Variants in MTUS2 observed in about 807,000 individuals in gnomAD.
MTUS2 encodes the protein microtubule-associated tumor suppressor candidate 2.
Under a neutral mutation model 114.1 loss-of-function variants are expected in MTUS2, and 40 were observed. That is an observed-to-expected ratio of 0.35 (90% CI 0.27 to 0.46). The LOEUF (loss-of-function observed/expected upper bound fraction) is 0.46. Among genes scored for constraint, MTUS2 ranks in the 20% least tolerant of loss-of-function variants. The pLI, the probability that MTUS2 is intolerant of heterozygous loss-of-function variation, is 1.00. For synonymous variants in MTUS2, 688 were observed against 672.0 expected, an observed-to-expected ratio of 1.02 and a Z score of -0.37; for missense variants, 1,679 against 1,705.4, an observed-to-expected ratio of 0.98 and a Z score of 0.27.
At chr13:28,822,470 G>T (rs1281511514) in intron 1 of MTUS2, among the ~76,000 whole-genome samples, 1 of 152,224 alleles carries the variant, frequency 6.6e-6, no homozygotes, top group Non-Finnish European at 1.5e-5. Context: ...CTGGGGGATT[G>T]ATGTAATAGA....
intron 4 of MTUS2, among the ~76,000 whole-genome samples, chr13:29,054,389 G>A (rs913167321): frequency 3.9e-5 from 6 of 151,998 alleles, no homozygotes; most frequent in African/African-American, 1.4e-4. Context: ...ACTTAACAGT[G>A]TCTTTCAAAG....
intron 5 of MTUS2, among the ~76,000 whole-genome samples, chr13:29,276,309 G>A (rs948843421): frequency 6.6e-6 from 1 of 152,190 alleles, no homozygotes; most frequent in African/African-American, 2.4e-5. Context: ...CTGTAATCAT[G>A]CGGAATATAT....
intron 7 of MTUS2, among the ~76,000 whole-genome samples, chr13:29,347,737 A>T (rs1486439199): frequency 6.6e-6 from 1 of 152,142 alleles, no homozygotes; most frequent in African/African-American, 2.4e-5. Context: ...TTAGGTGCCA[A>T]CTACAAGTAG....
chr13:29,477,034 C>T (rs1880754580), intron 9 of MTUS2: 1 of 152,204 alleles, frequency 6.6e-6, no homozygotes, highest in Admixed American at 6.5e-5. Context: ...AGCTACTGCA[C>T]ATTGAATTTT....
chr13:29,179,164 G>A (rs1054942747), intron 5 of MTUS2, among the ~76,000 whole-genome samples: 1 of 152,182 alleles, frequency 6.6e-6, no homozygotes, highest in Admixed American at 6.5e-5. Context: ...GTTTATGGCC[G>A]ATCCATGAAG....
intron 5 of MTUS2, among the ~76,000 whole-genome samples, chr13:29,128,429 G>A (rs990455217): frequency 3.3e-5 from 5 of 152,168 alleles, no homozygotes; most frequent in Admixed American, 6.5e-5. Flanking sequence ...CGACAGGAAG[G>A]AGAGGAAAGG....
intron 10 of MTUS2, chr13:29,483,999 C>T (rs1455927271): frequency 2.0e-5 from 3 of 152,204 alleles, no homozygotes; most frequent in Non-Finnish European, 4.4e-5. Context: ...ACCTTTGACC[C>T]ATTCCTCCAA....
chr13:28,835,749 G>A (rs2137967435), intron 1 of MTUS2, among the ~76,000 whole-genome samples: 1 of 152,276 alleles, frequency 6.6e-6, no homozygotes, highest in Non-Finnish European at 1.5e-5. Flanking sequence ...GCCTTGCCCT[G>A]GTCCTGCTCA....
chr13:29,465,315 G>T (rs1422958446), intron 9 of MTUS2, among the ~76,000 whole-genome samples: 1 of 152,140 alleles, frequency 6.6e-6, no homozygotes, highest in Non-Finnish European at 1.5e-5. Flanking sequence ...TATAGATAAG[G>T]ACGGTGAGGC....
intron 2 of MTUS2, among the ~76,000 whole-genome samples, chr13:28,881,934 A>G (rs568840796): frequency 1.3e-5 from 2 of 152,378 alleles, no homozygotes; most frequent in South Asian, 2.1e-4. Context: ...GGTTTTTGAC[A>G]AAGGTATCAA....
chr13:29,104,611 C>A (rs1025125604), intron 5 of MTUS2, among the ~76,000 whole-genome samples: 15 of 152,168 alleles, frequency 9.9e-5, no homozygotes, highest in African/African-American at 3.4e-4. Flanking sequence ...CAACAAGTAG[C>A]CACAGTTCCT....
chr13:29,222,465 A>G (rs1400281196), intron 5 of MTUS2, among the ~76,000 whole-genome samples: 1 of 152,246 alleles, frequency 6.6e-6, no homozygotes, highest in African/African-American at 2.4e-5. Context: ...TCGAGTTAAT[A>G]GAATAATTTT....
At chr13:29,394,935 C>T (rs1873799966) in intron 8 of MTUS2, among the ~76,000 whole-genome samples, 1 of 152,182 alleles carries the variant, frequency 6.6e-6, no homozygotes, top group Admixed American at 6.5e-5. Flanking sequence ...ACCCGCCTGT[C>T]TGTGGAAAAA....
Position 28,985,575 on chromosome 13 carries a change from T to A in MTUS2, c.-242-38882T>A, listed in dbSNP as rs202124118. Among the ~76,000 whole-genome samples the A allele has an allele frequency of 8.3e-5, 11 of 132,138 alleles. No individual in the cohort carries two copies. In the East Asian group the frequency reaches 1.9e-3, roughly 22 times the overall value. 86.7% of individuals were successfully genotyped at this position (132,138 alleles called of 152,430 possible). ...AAATGGTATTCTTTTTTTTTTTTTT[T>A]TAAAAAGCTTTATCTTTGGTTTTTC... On this transcript the variant is annotated intron_variant, in intron 2 of 15. Transcript: ENST00000612955.
intron 8 of MTUS2, among the ~76,000 whole-genome samples, chr13:29,428,221 C>G (rs1035599232): frequency 5.9e-5 from 9 of 152,248 alleles, no homozygotes; most frequent in African/African-American, 7.2e-5. Context: ...AACAAATATT[C>G]TGAGAAGAGT....
intron 9 of MTUS2, among the ~76,000 whole-genome samples, chr13:29,459,269 C>T (rs1781979451): frequency 6.6e-6 from 1 of 152,142 alleles, no homozygotes; most frequent in Admixed American, 6.5e-5. Flanking sequence ...AACTTTGTGG[C>T]TCAGTTATTG....
chr13:29,052,211 G>C (rs777254811), intron 4 of MTUS2, among the ~76,000 whole-genome samples: 16 of 152,182 alleles, frequency 1.1e-4, no homozygotes, highest in Non-Finnish European at 2.1e-4. Flanking sequence ...GCCTGGCACA[G>C]TGGCTCACGC....
Position 28,912,360 on chromosome 13 carries a change from A to G in MTUS2, c.-243+72510A>G, listed in dbSNP as rs1442151554. 2.0e-5 allele frequency among the ~76,000 whole-genome samples: 3 copies of G among 152,096 alleles called. No homozygotes were observed. The South Asian group carries it at 6.2e-4, about 32-fold the overall frequency. ...ATTTCTGAGTTCTCTATTCTGTTCC[A>G]TTGATCTATGTATCTATTCTTGTAG... On this transcript the variant is annotated intron_variant, in intron 2 of 15. Coordinates refer to ENST00000612955, the MANE Select transcript of MTUS2 (RefSeq NM_001033602.4).
chr13:29,350,960 C>CATATATATATAT lies in MTUS2; in HGVS notation c.2906-8289_2906-8278dup, dbSNP rs56192034. Among the ~76,000 whole-genome samples, 136 of 128,628 alleles carry CATATATATATAT rather than the reference C, an allele frequency of 1.1e-3. 7 individuals are homozygous for CATATATATATAT. Among genetic ancestry groups the CATATATATATAT allele is most frequent in the Non-Finnish European group, 1.9e-3 (110 of 58,614 alleles). 84.4% of individuals were successfully genotyped at this position (128,628 alleles called of 152,430 possible). A position where few individuals can be genotyped will look rare whatever the true frequency, so the allele number is the denominator to read the frequency against. On this transcript the variant is annotated intron_variant, in intron 7 of 15. Coordinates refer to ENST00000612955, the MANE Select transcript of MTUS2 (RefSeq NM_001033602.4). ...TAGGAATTAGGGCATATATATATTT[C>CATATATATATAT]ATATATATATATATATATATATATC...
Sources: allele counts gnomAD v4.1 joint callset (sites outside exome capture counted in the v4.1 genomes callset), GRCh38; gene constraint gnomAD v4.1.1; transcripts MANE v1.5; gene names NCBI Gene and HGNC (gene_info 2026-07-23, HGNC 2026-07-21).